Variants in MAGI2 observed in about 807,000 individuals in gnomAD.
MAGI2 encodes membrane-associated guanylate kinase, WW and PDZ domain-containing protein 2.
MAGI2 carries 35 observed loss-of-function variants against 133.3 expected under a neutral mutation model. The ratio of observed to expected loss-of-function variants is 0.26; its 90% CI spans 0.20 to 0.35. The LOEUF (loss-of-function observed/expected upper bound fraction) is 0.35. Ranked by LOEUF, MAGI2 falls within the 10% of genes least tolerant of loss-of-function variation. MAGI2 has a pLI of 1.00. For missense variants in MAGI2, 1,636 were observed against 1,863.4 expected, an observed-to-expected ratio of 0.88 and a Z score of 2.25; for synonymous variants, 729 against 710.6, an observed-to-expected ratio of 1.03 and a Z score of -0.41.
intron 2 of MAGI2, among the ~76,000 whole-genome samples, chr7:78,781,142 G>T (rs113306928): frequency 2.6e-4 from 40 of 152,312 alleles, no homozygotes; most frequent in African/African-American, 8.7e-4. Flanking sequence ...ACTCTGGGAG[G>T]CTGAGGCGGG....
chr7:78,449,662 G>A (rs963623531), intron 6 of MAGI2, among the ~76,000 whole-genome samples: 1 of 151,972 alleles, frequency 6.6e-6, no homozygotes, highest in Non-Finnish European at 1.5e-5. Context: ...ATCTGAACGC[G>A]TGTGGCTTCA....
At chr7:78,134,742 G>A (rs1821926027) in intron 17 of MAGI2, 1 of 300,676 alleles carries the variant, frequency 3.3e-6, no homozygotes, top group East Asian at 5.9e-5. Context: ...GGCCCACAGG[G>A]AATGATTGAA....
chr7:78,567,261 G>C (rs1801034791), intron 3 of MAGI2, among the ~76,000 whole-genome samples: 1 of 151,900 alleles, frequency 6.6e-6, no homozygotes, highest in Non-Finnish European at 1.5e-5. Context: ...TACAAACCAG[G>C]CTCTTGAAAA....
intron 3 of MAGI2, among the ~76,000 whole-genome samples, chr7:78,555,203 TAGATAGATAGATAGATAGAC>T (rs1046675521): frequency 2.4e-4 from 27 of 113,510 alleles, no homozygotes; most frequent in African/African-American, 1.0e-3. Context: ...GATGGATGGA[TAGATAGATAGATAGATAGAC>T]AGATAGATAG....
chr7:79,144,713 T>C (rs753829026), intron 1 of MAGI2, among the ~76,000 whole-genome samples: 4 of 152,152 alleles, frequency 2.6e-5, no homozygotes, highest in Non-Finnish European at 4.4e-5. Flanking sequence ...TTACTCTCAT[T>C]TCCCACATGA....
intron 1 of MAGI2, among the ~76,000 whole-genome samples, chr7:79,132,561 G>T (rs1821029681): frequency 6.6e-6 from 1 of 152,070 alleles, no homozygotes; most frequent in South Asian, 2.1e-4. Flanking sequence ...ACTTAGGTTG[G>T]TTCCACATCT....
intron 16 of MAGI2, among the ~76,000 whole-genome samples, chr7:78,140,997 G>C (rs1489680027): frequency 6.6e-6 from 1 of 152,136 alleles, no homozygotes. Context: ...GGTGTAGACT[G>C]AGAGAATGGT....
At chr7:78,167,088 G>T (rs140672712) in intron 15 of MAGI2, among the ~76,000 whole-genome samples, 8 of 152,196 alleles carry the variant, frequency 5.3e-5, no homozygotes, top group Admixed American at 2.0e-4. Flanking sequence ...TGGGGCAGAA[G>T]GTGACAGATG....
chr7:78,784,049 T>A (rs1053270709), intron 2 of MAGI2, among the ~76,000 whole-genome samples: 1 of 152,196 alleles, frequency 6.6e-6, no homozygotes, highest in Non-Finnish European at 1.5e-5. Context: ...TGCGTTGACA[T>A]AGTGTATCAG....
intron 2 of MAGI2, among the ~76,000 whole-genome samples, chr7:78,941,180 G>T (rs1490542010): frequency 2.0e-5 from 3 of 152,124 alleles, no homozygotes; most frequent in African/African-American, 7.2e-5. Context: ...TAGCTTCCCA[G>T]ATCTCCAGGT....
chr7:78,080,281 T>C (rs934608420), intron 20 of MAGI2, among the ~76,000 whole-genome samples: 9 of 152,370 alleles, frequency 5.9e-5, no homozygotes, highest in East Asian at 3.9e-4. Flanking sequence ...GACCTTCCTT[T>C]GTATACTCAG....
intron 1 of MAGI2, among the ~76,000 whole-genome samples, chr7:79,186,224 A>ATATATATATATT (rs1562973049): frequency 4.1e-4 from 44 of 106,984 alleles, no homozygotes; most frequent in Non-Finnish European, 7.5e-4. Context: ...ATATATATAT[A>ATATATATATATT]TATATATATA....
At chr7:78,021,079 G>A (rs1308273974) in intron 21 of MAGI2, among the ~76,000 whole-genome samples, 1 of 152,098 alleles carries the variant, frequency 6.6e-6, no homozygotes, top group East Asian at 1.9e-4. Context: ...CTGGTCAGAG[G>A]CCAAGTAGAA....
intron 1 of MAGI2, among the ~76,000 whole-genome samples, chr7:79,289,891 AT>A (rs1315192512): frequency 2.0e-5 from 3 of 152,146 alleles, no homozygotes; most frequent in Admixed American, 2.0e-4. Flanking sequence ...AATTTAAAAA[AT>A]AAAAAGTAAT....
Position 78,135,024 on chromosome 7 carries a change from C to T in MAGI2, c.3028G>A (p.Glu1010Lys), listed in dbSNP as rs1236511513. The T allele has an allele frequency of 6.2e-7, 1 of 1,613,734 alleles. No homozygotes were observed. The highest frequency in any genetic ancestry group is 1.3e-5 in the African/African-American group (1 of 74,892). The change falls in exon 17 of 22, where the codon GAG becomes AAG. Residue 1010 changes from glutamate to lysine, a missense_variant. Physicochemically the swap from Glu to Lys is moderately conservative, Grantham distance 56 (BLOSUM62 1). Around this residue, in one of 5 missense-constraint regions of MAGI2, gnomAD observed 920 missense variants for 1,093.5 expected, o/e 0.84. Transcript: ENST00000354212. ...CAAGGCTGCCTCAGGCACTCACCCTCCTGAGGAATGATGCGAAGGGTGACA... is the reference window on the plus strand; with the variant it reads ...CAAGGCTGCCTCAGGCACTCACCCTTCTGAGGAATGATGCGAAGGGTGACA... The part of the protein sequence containing the change: ...LSVTLRIIPQ[E>K]ELNSPTSAPS...
chr7:78,385,300 C>T (rs1051355443), intron 6 of MAGI2, among the ~76,000 whole-genome samples: 34 of 152,300 alleles, frequency 2.2e-4, no homozygotes, highest in African/African-American at 8.2e-4. Context: ...TTCTTTTAAA[C>T]ATTAACACAA....
At chr7:78,322,076 A>T (rs1334379884) in intron 9 of MAGI2, among the ~76,000 whole-genome samples, 1 of 152,228 alleles carries the variant, frequency 6.6e-6, no homozygotes, top group African/African-American at 2.4e-5. Flanking sequence ...CTCTCACGCC[A>T]GTTAGAATGG....
intron 14 of MAGI2, among the ~76,000 whole-genome samples, chr7:78,174,309 AAC>A (rs1279068647): frequency 1.3e-5 from 2 of 152,220 alleles, no homozygotes; most frequent in Admixed American, 1.3e-4. Context: ...TTCCGGAACA[AAC>A]AGAGAGCTCA....
At position 79,292,925 on chromosome 7, in the gene MAGI2, T is replaced by C. The variant is rs1245747831; in HGVS notation, c.301+160095A>G. On this transcript the variant is annotated intron_variant, in intron 1 of 21. Transcript: ENST00000354212. Reference sequence around the variant, plus strand: ...TTCTTCTGCCACTGCTGGGTGTTGCTTGCCATTACCTCCAACCTACATTAC... The same window carrying C: ...TTCTTCTGCCACTGCTGGGTGTTGCCTGCCATTACCTCCAACCTACATTAC... 3.5e-4 allele frequency among the ~76,000 whole-genome samples: 54 copies of C among 152,150 alleles called. 1 individual carries two copies. Among genetic ancestry groups the C allele is most frequent in the Admixed American group, 3.5e-3 (54 of 15,260 alleles).
Sources: gnomAD v4.1 joint callset for allele counts (sites outside exome capture counted in the v4.1 genomes callset) on GRCh38, gnomAD v4.1.1 for gene constraint, gnomAD v4.1.1 regional missense constraint, MANE v1.5 for transcripts, NCBI Gene and HGNC (gene_info 2026-07-23, HGNC 2026-07-21) for gene names.